The following RIF1 variants were observed in gnomAD, a reference collection of about 807,000 sequenced individuals.
The protein encoded by RIF1 is telomere-associated protein RIF1.
Under a neutral mutation model 247.1 loss-of-function variants are expected in RIF1, and 45 were observed. The ratio of observed to expected loss-of-function variants is 0.18; its 90% CI spans 0.14 to 0.23. RIF1 has a LOEUF of 0.23. Among genes scored for constraint, RIF1 ranks in the 10% least tolerant of loss-of-function variants. RIF1 has a pLI of 1.00. For synonymous variants in RIF1, 1,087 were observed against 978.8 expected (o/e 1.11, Z -2.06); for missense variants, 2,967 against 2,862.5 (o/e 1.04, Z -0.83).
rs1270746653 is a variant in RIF1, at chr2:151,503,364, T to G, written c.*861+179T>G. Reference sequence around the variant, plus strand: ...TTGTAAATACCGAGCTAAAGTTCTCTTGATTGCGTTTGACTCTCTCAATCT... The same window carrying G: ...TTGTAAATACCGAGCTAAAGTTCTCGTGATTGCGTTTGACTCTCTCAATCT... On this transcript the variant is annotated intron_variant and NMD_transcript_variant, in intron 12 of 13. Coordinates refer to the RIF1 transcript ENST00000454583. 10 of 1,611,118 alleles carry G rather than the reference T, an allele frequency of 6.2e-6. No homozygotes were observed. Among genetic ancestry groups the G allele is most frequent in the Non-Finnish European group, 7.6e-6 (9 of 1,177,754 alleles).
chr2:151,516,424 G>A, the RIF1 span: 2 of 1,412,916 alleles, frequency 1.4e-6, no homozygotes, highest in South Asian at 2.4e-5. Context: ...TAGTGTGATG[G>A]ATCATTGTTG....
In RIF1 at chr2:151,465,274, A is replaced by C. The variant is rs781169975; in HGVS notation, c.5754A>C (p.Glu1918Asp). 3.7e-6 allele frequency: 6 copies of C among 1,611,674 alleles called. No homozygotes were observed. Among genetic ancestry groups the C allele is most frequent in the Non-Finnish European group, 5.1e-6 (6 of 1,179,456 alleles). ...ATCTAGAGAAAGCAAAAACTATGGAATTGAATGTAGGAAATGAAGCTAGCT... is the reference window on the plus strand; with the variant it reads ...ATCTAGAGAAAGCAAAAACTATGGACTTGAATGTAGGAAATGAAGCTAGCT... The part of the protein sequence containing the change: ...ESNLEKAKTM[E>D]LNVGNEASFH... The change falls in exon 30 of 36, where the codon GAA becomes GAC. Residue 1918 changes from glutamate to aspartate, a missense_variant. By Grantham distance (45) the Glu-to-Asp change is conservative. This residue lies in a region of RIF1 where 2,028 missense variants were observed against 1,825.6 expected (regional missense o/e 1.11). Transcript: ENST00000444746.
At position 151,420,274 on chromosome 2, in the gene RIF1, A is replaced by G. The variant is rs140500878; in HGVS notation, c.588A>G (p.Ala196=). The change falls in exon 7 of 36, where the codon GCA becomes GCG. Residue 196 remains alanine, a synonymous_variant. Coordinates refer to ENST00000444746, the MANE Select transcript of RIF1 (RefSeq NM_018151.5). ...TCATACCTTTAGTGGTTCATTCAGCACAAAAGGTACATTTGCGGGGAGCAA... is the reference window on the plus strand; with the variant it reads ...TCATACCTTTAGTGGTTCATTCAGCGCAAAAGGTACATTTGCGGGGAGCAA... The part of the protein sequence containing the change: ...KLVIPLVVHS[A]QKVHLRGATA... 1.2e-6 allele frequency: 2 copies of G among 1,614,094 alleles called. No individual in the cohort carries two copies.
chr2:151,517,014 T>G, the RIF1 span, among the ~76,000 whole-genome samples: 7 of 152,336 alleles, frequency 4.6e-5, no homozygotes, highest in African/African-American at 1.7e-4. Context: ...GGGGTCTAGA[T>G]TGAATGGATA....
At chr2:151,516,478 G>A in the RIF1 span, 1 of 1,612,222 alleles carries the variant, frequency 6.2e-7, no homozygotes, top group East Asian at 2.2e-5. Flanking sequence ...CATCTGCTGA[G>A]ACTCTTTGGC....
intron 27 of RIF1, among the ~76,000 whole-genome samples, chr2:151,461,586 G>A (rs912008471): frequency 2.0e-5 from 3 of 151,834 alleles, no homozygotes; most frequent in African/African-American, 7.3e-5. Flanking sequence ...TAGAGACGGG[G>A]TTTCACCATG....
At chr2:151,532,839 C>A in the RIF1 span, among the ~76,000 whole-genome samples, 8 of 152,036 alleles carry the variant, frequency 5.3e-5, no homozygotes, top group African/African-American at 1.9e-4. Context: ...TCAAATTTAC[C>A]TTTCAGCATG....
At chr2:151,417,807 CATT>C (rs1687471168) in intron 6 of RIF1, among the ~76,000 whole-genome samples, 2 of 152,058 alleles carry the variant, frequency 1.3e-5, no homozygotes, top group Admixed American at 6.6e-5. Context: ...ATTGTGCAAA[CATT>C]ATTAAGAGGA....
rs771947273 is a variant in RIF1 at position 151,463,479 on chromosome 2, G to T, written c.3959G>T (p.Gly1320Val). 6.2e-7 allele frequency: 1 copy of T among 1,614,050 alleles called. No individual in the cohort carries two copies. Among genetic ancestry groups the T allele is most frequent in the African/African-American group, 1.3e-5 (1 of 75,038 alleles). Reference sequence around the variant, plus strand: ...AAAAATACTGAGGAATCTGTTGAAGGCATTGTAGTCTTAGAAAATAACCCA... The same window carrying T: ...AAAAATACTGAGGAATCTGTTGAAGTCATTGTAGTCTTAGAAAATAACCCA... ...PEKNTEESVE[G>V]IVVLENNPPG... is the part of the protein sequence containing the mutation. The change falls in exon 30 of 36, where the codon GGC (glycine) becomes GTC (valine). Residue 1320 changes from glycine (G) to valine (V), a missense_variant. Around this residue, in one of 7 missense-constraint regions of RIF1, gnomAD observed 2,028 missense variants for 1,825.6 expected, o/e 1.11. Coordinates refer to ENST00000444746, the MANE Select transcript of RIF1 (RefSeq NM_018151.5).
chr2:151,497,947 A>AT lies in RIF1; in HGVS notation c.*514-1390dup, dbSNP rs1052214323. 220 of 1,437,860 alleles carry AT rather than the reference A, an allele frequency of 1.5e-4. 1 individual carries two copies. Among genetic ancestry groups the AT allele is most frequent in the Admixed American group, 2.0e-4 (7 of 34,442 alleles). The allele number at this position is 1,437,860 out of a possible 1,614,324, so 89.1% of individuals were successfully genotyped here. A position where few individuals can be genotyped will look rare whatever the true frequency, so the allele number is the denominator to read the frequency against. On this transcript the variant is annotated intron_variant and NMD_transcript_variant, in intron 10 of 13. Coordinates refer to the RIF1 transcript ENST00000454583. ...AAGGGCTGTCAGAGTTATCCATGTT[A>AT]TTTTTTTTCATTTTTGTGAGTACGG...
At chr2:151,506,058 C>T (rs529497329) in intron 12 of RIF1, 3 of 949,616 alleles carry the variant, frequency 3.2e-6, no homozygotes, top group East Asian at 4.8e-5. Context: ...CCTATTTTAG[C>T]AATATAAGCT....
intron 25 of RIF1, among the ~76,000 whole-genome samples, chr2:151,459,364 T>TA (rs955633973): frequency 2.0e-5 from 3 of 152,234 alleles, no homozygotes; most frequent in African/African-American, 7.2e-5. Flanking sequence ...ATATAGTAGT[T>TA]AAAGGCACGG....
intron 9 of RIF1, among the ~76,000 whole-genome samples, chr2:151,432,607 G>A (rs945213545): frequency 1.3e-5 from 2 of 152,082 alleles, no homozygotes; most frequent in Admixed American, 6.5e-5. Flanking sequence ...ATATGCTTCC[G>A]TTTCTTTGTC....
chr2:151,432,289 C>T lies in RIF1; in HGVS notation c.926-788C>T, dbSNP rs113849329. 6.4e-3 allele frequency among the ~76,000 whole-genome samples: 969 copies of T among 152,256 alleles called. 10 individuals are homozygous for T. The highest frequency in any genetic ancestry group is 0.011 in the Non-Finnish European group (759 of 68,006). ...CCTCCCAAAGTGCCAGGATTATAGG[C>T]GTGAACCACCACGCCCAGCCCTTTT... On this transcript the variant is annotated intron_variant, in intron 9 of 35. Transcript: ENST00000444746.
rs960735572 is a variant in RIF1 at position 151,496,952 on chromosome 2, T to C, written c.*513+1626T>C. 14 of 1,575,922 alleles carry C rather than the reference T, an allele frequency of 8.9e-6. No homozygotes were observed. The highest frequency in any genetic ancestry group is 9.5e-6 in the Non-Finnish European group (11 of 1,158,380). On this transcript the variant is annotated intron_variant and NMD_transcript_variant, in intron 10 of 13. Coordinates refer to the RIF1 transcript ENST00000454583. ...TCTTGCCCAAGTACCGAGCTAATATTTTCTTGATTGTGTTTGACTCTCTCC... is the reference window on the plus strand; with the variant it reads ...TCTTGCCCAAGTACCGAGCTAATATCTTCTTGATTGTGTTTGACTCTCTCC...
exon 11 of RIF1, chr2:151,499,354 T>G (rs144634228): frequency 1.4e-5 from 22 of 1,547,100 alleles, no homozygotes; most frequent in Non-Finnish European, 1.9e-5. Context: ...GTGATGGGGA[T>G]TGGAATCCCT....
intron 34 of RIF1, among the ~76,000 whole-genome samples, chr2:151,472,946 G>A (rs1176340586): frequency 6.6e-6 from 1 of 152,134 alleles, no homozygotes; most frequent in Non-Finnish European, 1.5e-5. Flanking sequence ...AGAAGGAATG[G>A]TACCAGCTCC....
chr2:151,474,331 A>AT (rs1484375859), intron 35 of RIF1, among the ~76,000 whole-genome samples: 4 of 152,246 alleles, frequency 2.6e-5, no homozygotes, highest in Non-Finnish European at 4.4e-5. Flanking sequence ...GTAGTCTACC[A>AT]TTTTTAAATT....
chr2:151,496,263 T>A, intron 10 of RIF1: 1 of 1,588,728 alleles, frequency 6.3e-7, no homozygotes, highest in Non-Finnish European at 8.6e-7. Context: ...TTTTTTCTTT[T>A]CTCGCCAAGT....
Sources: gnomAD v4.1 joint callset for allele counts (sites outside exome capture counted in the v4.1 genomes callset) on GRCh38, gnomAD v4.1.1 for gene constraint, gnomAD v4.1.1 regional missense constraint, MANE v1.5 for transcripts, NCBI Gene and HGNC (gene_info 2026-07-23, HGNC 2026-07-21) for gene names.